Variants in PCDHA2 observed in about 807,000 individuals in gnomAD.
PCDHA2 encodes the protein protocadherin alpha 2.
Under a neutral mutation model 66.0 loss-of-function variants are expected in PCDHA2, and 58 were observed. The ratio of observed to expected loss-of-function variants is 0.88; its 90% CI spans 0.71 to 1.09. The LOEUF (loss-of-function observed/expected upper bound fraction) is 1.09. Ranked by LOEUF, PCDHA2 falls within the 50% of genes least tolerant of loss-of-function variation. The pLI is 0.00. For missense variants in PCDHA2, 1,267 were observed against 1,242.3 expected, an observed-to-expected ratio of 1.02 and a Z score of -0.30; for synonymous variants, 634 against 554.0, an observed-to-expected ratio of 1.14 and a Z score of -2.03.
At chr5:140,967,784 C>T in intron 1 of PCDHA2, 3 of 1,614,174 alleles carry the variant, frequency 1.9e-6, no homozygotes, top group South Asian at 1.1e-5. Context: ...GGCGACTGAC[C>T]GGGGTCCAGT....
intron 1 of PCDHA2, chr5:140,876,137 T>G (rs782331817): frequency 1.2e-6 from 2 of 1,613,916 alleles, no homozygotes; most frequent in Non-Finnish European, 8.5e-7. Context: ...AAACCAGAAC[T>G]AACAGGGTCT....
intron 1 of PCDHA2, chr5:140,841,169 T>G (rs1426185957): frequency 4.1e-6 from 4 of 972,304 alleles, no homozygotes; most frequent in Non-Finnish European, 6.0e-6. Context: ...GAAGTTCTGG[T>G]TGGTCAATGT....
At chr5:140,999,280 T>C (rs782502393) in intron 3 of PCDHA2, among the ~76,000 whole-genome samples, 2 of 152,228 alleles carry the variant, frequency 1.3e-5, no homozygotes, top group Non-Finnish European at 2.9e-5. Context: ...ATAGTAGTAA[T>C]ACCCATTCTT....
chr5:141,006,680 G>A (rs1449792614), intron 3 of PCDHA2, among the ~76,000 whole-genome samples: 5 of 152,036 alleles, frequency 3.3e-5, no homozygotes, highest in African/African-American at 1.2e-4. Flanking sequence ...AGTGAAAATT[G>A]GGAGAAGAGG....
At chr5:140,818,277 A>T (rs1766321566) in intron 1 of PCDHA2, among the ~76,000 whole-genome samples, 2 of 152,034 alleles carry the variant, frequency 1.3e-5, no homozygotes, top group African/African-American at 4.8e-5. Context: ...TCTTTGTTTC[A>T]TAATCCATGT....
rs564787047 is a variant in PCDHA2 at position 140,803,263 on chromosome 5, C to T, written c.2388+5911C>T. On this transcript the variant is annotated intron_variant, in intron 1 of 3. Transcript: ENST00000526136. ...CAGGCGTCCGCTGGCGCCACGGGCC[C>T]GGAAGCTGCACTGGTGGATGTCAAC... 37 of 1,613,934 alleles carry T rather than the reference C, an allele frequency of 2.3e-5. 1 individual carries two copies. The South Asian group carries it at 4.1e-4, about 18-fold the overall frequency.
chr5:140,848,134 AC>A (rs1781341160), intron 1 of PCDHA2: 1 of 192,738 alleles, frequency 5.2e-6, no homozygotes, highest in South Asian at 1.3e-4. Context: ...GTCATACAAA[AC>A]TTTTAGAGGC....
intron 1 of PCDHA2, chr5:140,841,651 G>A (rs2150320143): frequency 2.0e-5 from 32 of 1,614,034 alleles, no homozygotes; most frequent in Middle Eastern, 1.6e-4. Flanking sequence ...AGGTGATCGT[G>A]GACAGGCCGC....
rs1459131060 is a variant in PCDHA2 at position 140,876,463 on chromosome 5, G to A, written c.2388+79111G>A. On this transcript the variant is annotated intron_variant, in intron 1 of 3. Transcript: ENST00000526136. ...CATTGATAAAGGGATTCCTTCCATG[G>A]CAGGTCACAGCATGGTCCTGGTGGA... is the stretch of plus-strand genomic sequence containing the variant. 3.7e-6 allele frequency: 6 copies of A among 1,613,896 alleles called. No homozygotes were observed. In the African/African-American group the frequency reaches 6.7e-5, roughly 18 times the overall value.
intron 1 of PCDHA2, chr5:140,927,757 A>G (rs957906084): frequency 3.2e-5 from 51 of 1,614,028 alleles, no homozygotes; most frequent in Admixed American, 1.0e-4. Flanking sequence ...CGTGCACCCT[A>G]AAAGTGGGGA....
At chr5:140,895,666 T>A (rs538311323) in intron 1 of PCDHA2, among the ~76,000 whole-genome samples, 24 of 152,288 alleles carry the variant, frequency 1.6e-4, no homozygotes, top group African/African-American at 5.8e-4. Context: ...AGTGAGAACA[T>A]GTAGTATTTG....
At chr5:140,925,959 T>A (rs1424415985) in intron 1 of PCDHA2, among the ~76,000 whole-genome samples, 5 of 151,912 alleles carry the variant, frequency 3.3e-5, no homozygotes, top group African/African-American at 4.8e-5. Flanking sequence ...GAAACTGCTA[T>A]CACGCAAAAA....
intron 1 of PCDHA2, among the ~76,000 whole-genome samples, chr5:140,912,990 T>C (rs2076154668): frequency 6.6e-6 from 1 of 152,198 alleles, no homozygotes; most frequent in African/African-American, 2.4e-5. Context: ...GAATTCAGTT[T>C]GCTAGTATTT....
intron 1 of PCDHA2, among the ~76,000 whole-genome samples, chr5:140,904,496 A>G (rs1174844806): frequency 1.3e-5 from 2 of 151,832 alleles, no homozygotes; most frequent in Non-Finnish European, 2.9e-5. Context: ...CCAAATTTTT[A>G]CAATTGTGAA....
At chr5:140,802,103 C>T (rs782442177) in intron 1 of PCDHA2, 1 of 1,614,156 alleles carries the variant, frequency 6.2e-7, no homozygotes, top group South Asian at 1.1e-5. Flanking sequence ...ATGGACAAAT[C>T]AGTGTAAAGG....
intron 1 of PCDHA2, chr5:140,803,554 A>G: frequency 1.2e-6 from 2 of 1,614,202 alleles, no homozygotes; most frequent in South Asian, 1.1e-5. Context: ...CGGGATAGAG[A>G]GGAGAAACAG....
chr5:140,851,937 T>A, intron 1 of PCDHA2: 1 of 965,138 alleles, frequency 1.0e-6, no homozygotes, highest in Non-Finnish European at 1.3e-6. Context: ...TGAATTGTAG[T>A]ATGTGACTTT....
rs1422466475 is a variant in PCDHA2 at position 140,877,665 on chromosome 5, G to A, written c.2388+80313G>A. 5.0e-6 allele frequency: 8 copies of A among 1,613,522 alleles called. No homozygotes were observed. In the African/African-American group the frequency reaches 8.0e-5, roughly 16 times the overall value. On this transcript the variant is annotated intron_variant, in intron 1 of 3. Coordinates refer to ENST00000526136, the MANE Select transcript of PCDHA2 (RefSeq NM_018905.3). ...GCTCAGCGCCGCCCACCGTGAGCCGGTGCGCGCCGGGCAAGCCCACGCTGG... is the reference window on the plus strand; with the variant it reads ...GCTCAGCGCCGCCCACCGTGAGCCGATGCGCGCCGGGCAAGCCCACGCTGG...
At chr5:141,005,488 G>A (rs138290389) in intron 3 of PCDHA2, among the ~76,000 whole-genome samples, 2,990 of 151,856 alleles carry the variant, frequency 0.02, 115 homozygotes, top group African/African-American at 0.068. Flanking sequence ...CGGATCATGA[G>A]GTCAGGAGAT....
Sources: allele counts gnomAD v4.1 joint callset (sites outside exome capture counted in the v4.1 genomes callset), GRCh38; gene constraint gnomAD v4.1.1; transcripts MANE v1.5; gene names NCBI Gene and HGNC (gene_info 2026-07-23, HGNC 2026-07-21).